The following EPHA6 variants were observed in gnomAD, a reference collection of about 807,000 sequenced individuals.
EPHA6 encodes the protein EPH receptor A6.
EPHA6 carries 50 observed loss-of-function variants against 112.0 expected under a neutral mutation model. That is an observed-to-expected ratio of 0.45 (90% CI 0.36 to 0.56). The LOEUF (loss-of-function observed/expected upper bound fraction) is 0.56. Ranked by LOEUF, EPHA6 falls within the 20% of genes least tolerant of loss-of-function variation. The pLI is 0.00. For missense variants in EPHA6, 1,280 were observed against 1,417.4 expected (o/e 0.90, Z 1.56); for synonymous variants, 529 against 490.7 (o/e 1.08, Z -1.03).
chr3:97,013,202 T>C (rs2044151071), intron 3 of EPHA6, among the ~76,000 whole-genome samples: 1 of 152,170 alleles, frequency 6.6e-6, no homozygotes, highest in Admixed American at 6.5e-5. Flanking sequence ...ATTTCTTAGA[T>C]TTTCTTCTAC....
chr3:97,001,308 G>A (rs2043655210), intron 3 of EPHA6, among the ~76,000 whole-genome samples: 1 of 151,730 alleles, frequency 6.6e-6, no homozygotes, highest in African/African-American at 2.4e-5. Flanking sequence ...TTGTTTTTAA[G>A]ATATCTTGTT....
chr3:97,501,853 G>A (rs1420646358), intron 10 of EPHA6, among the ~76,000 whole-genome samples: 1 of 152,096 alleles, frequency 6.6e-6, no homozygotes, highest in African/African-American at 2.4e-5. Context: ...ACAGTAAATG[G>A]TGGTCAAGGG....
At chr3:97,488,985 C>G (rs1224351359) in intron 10 of EPHA6, among the ~76,000 whole-genome samples, 1 of 152,196 alleles carries the variant, frequency 6.6e-6, no homozygotes, top group East Asian at 1.9e-4. Flanking sequence ...TGAAGCAAGA[C>G]AGACTCAGAT....
chr3:97,247,665 C>A (rs62265118), intron 5 of EPHA6, among the ~76,000 whole-genome samples: 1 of 151,756 alleles, frequency 6.6e-6, no homozygotes, highest in East Asian at 1.9e-4. Context: ...CATAGAAGTA[C>A]AGCAGGATTT....
At chr3:97,336,478 G>A (rs531989131) in intron 5 of EPHA6, among the ~76,000 whole-genome samples, 1 of 152,268 alleles carries the variant, frequency 6.6e-6, no homozygotes, top group Non-Finnish European at 1.5e-5. Flanking sequence ...ATTTCTGTGA[G>A]GGAAAGTAGT....
intron 2 of EPHA6, among the ~76,000 whole-genome samples, chr3:96,979,063 C>CT (rs901108409): frequency 1.3e-5 from 2 of 150,950 alleles, no homozygotes; most frequent in African/African-American, 2.4e-5. Context: ...GAATATAATT[C>CT]TTTTTTTTTA....
chr3:96,887,784 G>C (rs2037717285), intron 2 of EPHA6, among the ~76,000 whole-genome samples: 1 of 152,078 alleles, frequency 6.6e-6, no homozygotes, highest in Non-Finnish European at 1.5e-5. Flanking sequence ...GTTGGGGATG[G>C]GGGTGAGATT....
intron 1 of EPHA6, among the ~76,000 whole-genome samples, chr3:96,844,132 C>G (rs1359166781): frequency 6.6e-6 from 1 of 151,976 alleles, no homozygotes; most frequent in Non-Finnish European, 1.5e-5. Context: ...CAAGGAGTAT[C>G]AGCTCACCTG....
intron 14 of EPHA6, among the ~76,000 whole-genome samples, chr3:97,654,659 G>GA (rs937581601): frequency 1.3e-5 from 2 of 151,586 alleles, no homozygotes; most frequent in Non-Finnish European, 2.9e-5. Context: ...TCAAAGATGA[G>GA]AAAAAAACAA....
intron 3 of EPHA6, among the ~76,000 whole-genome samples, chr3:97,189,730 T>G (rs769997778): frequency 2.0e-5 from 3 of 152,140 alleles, no homozygotes; most frequent in Non-Finnish European, 1.5e-5. Context: ...AGAAACATAC[T>G]TGGTCTACTT....
Position 97,500,105 on chromosome 3 carries a change from G to T in EPHA6, c.2200+16046G>T, listed in dbSNP as rs191248793. 6.5e-3 allele frequency among the ~76,000 whole-genome samples: 993 copies of T among 151,752 alleles called. 12 individuals are homozygous for T. The highest frequency in any genetic ancestry group is 0.022 in the African/African-American group (913 of 41,386). On this transcript the variant is annotated intron_variant, in intron 10 of 17. Transcript: ENST00000389672. Reference sequence around the variant, plus strand: ...AAATTTTGTTTTTAATTTTTAAATTGTTTTGTTACAAACTAAAACACAAAC... The same window carrying T: ...AAATTTTGTTTTTAATTTTTAAATTTTTTTGTTACAAACTAAAACACAAAC...
At chr3:97,535,369 G>C (rs2092749184) in intron 11 of EPHA6, among the ~76,000 whole-genome samples, 1 of 152,098 alleles carries the variant, frequency 6.6e-6, no homozygotes, top group African/African-American at 2.4e-5. Flanking sequence ...ATTGAGAAAG[G>C]ATAGATTCAG....
chr3:97,596,570 A>G (rs1402383931), intron 12 of EPHA6, among the ~76,000 whole-genome samples: 1 of 152,020 alleles, frequency 6.6e-6, no homozygotes, highest in South Asian at 2.1e-4. Flanking sequence ...TCTTAAATCT[A>G]CATAAAATGC....
At chr3:97,565,954 A>G (rs904026188) in intron 11 of EPHA6, among the ~76,000 whole-genome samples, 35 of 146,886 alleles carry the variant, frequency 2.4e-4, no homozygotes, top group African/African-American at 8.6e-4. Context: ...GAGGAGGTGG[A>G]GGTTGCAGTG....
intron 14 of EPHA6, among the ~76,000 whole-genome samples, chr3:97,715,716 A>T (rs2034186689): frequency 6.6e-6 from 1 of 152,154 alleles, no homozygotes; most frequent in Non-Finnish European, 1.5e-5. Flanking sequence ...CAGGTGTTAA[A>T]TGCACCTATA....
chr3:97,709,885 G>A (rs967352831), intron 14 of EPHA6, among the ~76,000 whole-genome samples: 10 of 152,188 alleles, frequency 6.6e-5, no homozygotes, highest in Middle Eastern at 3.4e-3. Context: ...CTCACCTACC[G>A]CTATAATTGT....
chr3:97,128,795 C>T (rs1286021349), intron 3 of EPHA6, among the ~76,000 whole-genome samples: 1 of 151,816 alleles, frequency 6.6e-6, no homozygotes, highest in African/African-American at 2.4e-5. Context: ...GGTAGGATTA[C>T]AGGCCACTGC....
chr3:97,597,209 G>C (rs540018371), intron 12 of EPHA6, among the ~76,000 whole-genome samples: 5 of 151,786 alleles, frequency 3.3e-5, no homozygotes, highest in Non-Finnish European at 5.9e-5. Flanking sequence ...TTCTTCTGAG[G>C]TACCCTCTCT....
At chr3:97,335,919 T>G (rs1272675214) in intron 5 of EPHA6, among the ~76,000 whole-genome samples, 1 of 152,046 alleles carries the variant, frequency 6.6e-6, no homozygotes, top group Non-Finnish European at 1.5e-5. Context: ...AGCTGTGCTC[T>G]TGTGCTGAGC....
Sources: allele counts gnomAD v4.1 joint callset (sites outside exome capture counted in the v4.1 genomes callset), GRCh38; gene constraint gnomAD v4.1.1; transcripts MANE v1.5; gene names NCBI Gene and HGNC (gene_info 2026-07-23, HGNC 2026-07-21).